Variants in ACP6 observed in about 807,000 individuals in gnomAD.
ACP6 encodes lysophosphatidic acid phosphatase type 6.
Under a neutral mutation model 48.1 loss-of-function variants are expected in ACP6, and 48 were observed. The ratio of observed to expected loss-of-function variants is 1.00; its 90% CI spans 0.79 to 1.27. ACP6 has a LOEUF of 1.27. Ranked by LOEUF, ACP6 falls within the 50% of genes most tolerant of loss-of-function variation. The pLI is 0.00. For missense variants in ACP6, 485 were observed against 529.1 expected (o/e 0.92, Z 0.82); for synonymous variants, 172 against 204.2 (o/e 0.84, Z 1.34).
rs1553209614 is a variant in ACP6 at position 147,647,401 on chromosome 1, A to T, written c.*22T>A. ...AAAGGCACTTTATTTTAAAATCAACACATCCTGCTTTTATAAATCAGTTAC... is the reference window on the plus strand; with the variant it reads ...AAAGGCACTTTATTTTAAAATCAACTCATCCTGCTTTTATAAATCAGTTAC... On this transcript the variant is annotated 3_prime_UTR_variant, in exon 10 of 10. Transcript: ENST00000583509. 1 of 1,613,510 alleles carries T rather than the reference A, an allele frequency of 6.2e-7. No homozygotes were observed. Among genetic ancestry groups the T allele is most frequent in the South Asian group, 1.1e-5 (1 of 91,050 alleles).
At position 147,659,524 on chromosome 1, in the gene ACP6, C is replaced by G. The variant is rs781811413; in HGVS notation, c.351G>C (p.Gly117=). 6.2e-7 allele frequency: 1 copy of G among 1,613,750 alleles called. No homozygotes were observed. The highest frequency in any genetic ancestry group is 1.1e-5 in the South Asian group (1 of 91,078). ...TGGTCAGCTGCCCAGCAAACATGCC[C>G]CCCTAAAGTAGGGAAGAAAGAGAAA... ...DSQYHETTLK[G]GMFAGQLTKV... Residue 117 remains glycine, a splice_region_variant and synonymous_variant, in exon 3 of 10, where the codon GGG becomes GGC. Transcript: ENST00000583509.
At position 147,652,481 on chromosome 1, in the gene ACP6, G is replaced by A. The variant is rs201409049; in HGVS notation, c.849C>T (p.Asp283=). ...CCTTGGGCAGTATGTACAAGGATGT[G>A]TCCACAGCTCTCTGTTCGATCATCC... ...FARMIEQRAV[D]TSLYILPKED... The change falls in exon 7 of 10, where the codon GAC becomes GAT. Residue 283 remains aspartate (D), a synonymous_variant. Coordinates refer to ENST00000583509, the MANE Select transcript of ACP6 (RefSeq NM_016361.5). The A allele has an allele frequency of 6.2e-7, 1 of 1,614,040 alleles. No homozygotes were observed. Among genetic ancestry groups the A allele is most frequent in the East Asian group, 2.2e-5 (1 of 44,876 alleles).
intron 3 of ACP6, 57 bp from the exon 4 acceptor site, chr1:147,659,096 T>C (rs1660401405): frequency 1.4e-6 from 2 of 1,460,442 alleles, no homozygotes; most frequent in African/African-American, 2.8e-5. Flanking sequence ...TTATATACAC[T>C]CTATTTTATT....
At chr1:147,655,101 G>T in intron 5 of ACP6, 60 bp downstream of exon 5, 2 of 1,392,606 alleles carry the variant, frequency 1.4e-6, no homozygotes, top group Non-Finnish European at 2.0e-6. Context: ...ACAGAGTTCT[G>T]CCAGCAAAGG....
downstream of ACP6, among the ~76,000 whole-genome samples, chr1:147,637,882 T>G (rs782116177): frequency 2.0e-5 from 3 of 152,246 alleles, no homozygotes; most frequent in Non-Finnish European, 4.4e-5. Context: ...CCCAGTTGTA[T>G]GTCTTCAGTA....
At position 147,654,330 on chromosome 1, in the gene ACP6, A is replaced by T; in HGVS notation, c.648-4T>A. On this transcript the variant is annotated splice_polypyrimidine_tract_variant and splice_region_variant and intron_variant, in intron 5 of 9. Transcript: ENST00000583509. Reference sequence around the variant, plus strand: ...AGAGGCAGTCTGCCTCCGGCCTCTGACAAAAAATAAAAAGTAAAGCCTTAT... The same window carrying T: ...AGAGGCAGTCTGCCTCCGGCCTCTGTCAAAAAATAAAAAGTAAAGCCTTAT... 1 of 1,613,886 alleles carries T rather than the reference A, an allele frequency of 6.2e-7. No homozygotes were observed. The highest frequency in any genetic ancestry group is 8.5e-7 in the Non-Finnish European group (1 of 1,179,978).
At chr1:147,668,621 TA>T (rs1553214037) in intron 1 of ACP6, among the ~76,000 whole-genome samples, 1 of 151,514 alleles carries the variant, frequency 6.6e-6, no homozygotes, top group African/African-American at 2.4e-5. Context: ...TACAAAATCA[TA>T]AGGAAAATTT....
At chr1:147,636,533 G>A (rs1659308200) in intron 5 of ACP6, among the ~76,000 whole-genome samples, 1 of 152,210 alleles carries the variant, frequency 6.6e-6, no homozygotes, top group Non-Finnish European at 1.5e-5. Context: ...GTGCAGATAT[G>A]GAAGGAAAAC....
At chr1:147,652,331 C>A (rs777361779) in intron 7 of ACP6, 118 bp downstream of exon 7, 356 of 1,044,674 alleles carry the variant, frequency 3.4e-4, no homozygotes, top group Non-Finnish European at 4.7e-4. Flanking sequence ...GGGGTTCAGC[C>A]TCCTTACACG....
rs1659658611 is a variant in ACP6 at position 147,647,136 on chromosome 1, A to G, written c.*287T>C. 3.1e-6 allele frequency: 1 copy of G among 327,106 alleles called. No individual in the cohort carries two copies. The highest frequency in any genetic ancestry group is 3.9e-5 in the South Asian group (1 of 25,890). The allele number at this position is 327,106 out of a possible 1,614,324, so 20.3% of individuals were successfully genotyped here. The stretch of plus-strand genomic sequence containing the variant: ...TAGGAGAAAAGAACTAAAGTCCAAA[A>G]CCGACACAATTCTACAGGGTCATGA... On this transcript the variant is annotated 3_prime_UTR_variant, in exon 10 of 10. Transcript: ENST00000583509.
rs1187485777 is a variant in ACP6, at chr1:147,644,825, TG to T, written c.*2597del. On this transcript the variant is annotated 3_prime_UTR_variant, in exon 10 of 10. Transcript: ENST00000583509. ...AGGCACGGAAATTGAGAGTTTATTG[TG>T]GACAATGGGAAGTTTGATACCTATT... 2.0e-5 allele frequency: 3 copies of T among 152,158 alleles called. No individual in the cohort carries two copies. Among genetic ancestry groups the T allele is most frequent in the Non-Finnish European group, 4.4e-5 (3 of 68,040 alleles). 9.4% of individuals were successfully genotyped at this position (152,158 alleles called of 1,614,324 possible). A position where few individuals can be genotyped will look rare whatever the true frequency, so the allele number is the denominator to read the frequency against.
intron 1 of ACP6, 114 bp downstream of exon 1, chr1:147,669,716 C>A: frequency 8.5e-7 from 1 of 1,175,896 alleles, no homozygotes; most frequent in Non-Finnish European, 1.2e-6. Flanking sequence ...CTTCTGGACC[C>A]AACCCGAGCC....
chr1:147,666,684 G>C (rs1478236948), intron 1 of ACP6, among the ~76,000 whole-genome samples: 1 of 152,112 alleles, frequency 6.6e-6, no homozygotes, highest in Non-Finnish European at 1.5e-5. Context: ...ACATTATCTG[G>C]ATACCCCGGA....
At chr1:147,638,158 C>T (rs1420640124), downstream of ACP6, among the ~76,000 whole-genome samples, 2 of 152,160 alleles carry the variant, frequency 1.3e-5, no homozygotes, top group South Asian at 4.1e-4. Flanking sequence ...AGACAAGGTT[C>T]CTGCTTTTTG....
At position 147,670,017 on chromosome 1, in the gene ACP6, C is replaced by G; in HGVS notation, c.32G>C (p.Trp11Ser). 3 of 1,544,506 alleles carry G rather than the reference C, an allele frequency of 1.9e-6. No individual in the cohort carries two copies. Among genetic ancestry groups the G allele is most frequent in the Non-Finnish European group, 2.6e-6 (3 of 1,143,882 alleles). ...CGAGGTCAGGACGCCCACTGGGGTC[C>G]ACAAGCGCATGCTGAACACACCAGT... is the stretch of plus-strand genomic sequence containing the variant. MITGVFSMRL[W>S]TPVGVLTSLA... Residue 11 changes from tryptophan to serine, a missense_variant, in exon 1 of 10, where the codon TGG becomes TCG. Physicochemically the swap from Trp to Ser is radical, Grantham distance 177. Coordinates refer to ENST00000583509, the MANE Select transcript of ACP6 (RefSeq NM_016361.5).
Position 147,659,531 on chromosome 1 carries a change from A to G in ACP6, c.349-5T>C. On this transcript the variant is annotated splice_polypyrimidine_tract_variant and splice_region_variant and intron_variant, in intron 2 of 9. Coordinates refer to ENST00000583509, the MANE Select transcript of ACP6 (RefSeq NM_016361.5). ...CTGCCCAGCAAACATGCCCCCCTAA[A>G]GTAGGGAAGAAAGAGAAAGAAGAAT... The G allele has an allele frequency of 6.2e-7, 1 of 1,612,718 alleles. No homozygotes were observed. Among genetic ancestry groups the G allele is most frequent in the Non-Finnish European group, 8.5e-7 (1 of 1,179,950 alleles).
At chr1:147,658,864 G>C in intron 4 of ACP6, 96 bp downstream of exon 4, 1 of 1,224,460 alleles carries the variant, frequency 8.2e-7, no homozygotes, top group Non-Finnish European at 1.1e-6. Flanking sequence ...GAGAAAAAAA[G>C]TCAAGGGAAC....
rs1486370021 is a variant in ACP6 at position 147,643,459 on chromosome 1, A to G, written c.*3964T>C. The G allele has an allele frequency of 1.3e-5, 2 of 152,194 alleles. No individual in the cohort carries two copies. The highest frequency in any genetic ancestry group is 2.9e-5 in the Non-Finnish European group (2 of 68,074). The allele number at this position is 152,194 out of a possible 1,614,324, so 9.4% of individuals were successfully genotyped here. The stretch of plus-strand genomic sequence containing the variant: ...GAGTATACCTAAGGCAGGAGGTAGA[A>G]GGAGGGCAAGGAGGGCCTCTCTGAG... On this transcript the variant is annotated 3_prime_UTR_variant, in exon 10 of 10. Transcript: ENST00000583509.
chr1:147,650,563 G>C (rs1298169044), intron 7 of ACP6: 3 of 243,178 alleles, frequency 1.2e-5, no homozygotes, highest in African/African-American at 6.7e-5. Context: ...AAAGAACAAA[G>C]CTGACAAGCT....
Sources: allele counts gnomAD v4.1 joint callset (sites outside exome capture counted in the v4.1 genomes callset), GRCh38; gene constraint gnomAD v4.1.1; transcripts MANE v1.5; gene names NCBI Gene and HGNC (gene_info 2026-07-23, HGNC 2026-07-21).